Variants in GABRB2 observed in about 807,000 individuals in gnomAD.
The protein encoded by GABRB2 is gamma-aminobutyric acid receptor subunit beta-2.
Under a neutral mutation model 54.7 loss-of-function variants are expected in GABRB2, and 16 were observed. That is an observed-to-expected ratio of 0.29 (90% CI 0.20 to 0.44). GABRB2 has a LOEUF of 0.44. GABRB2 is among the 20% of genes least tolerant of loss of function. GABRB2 has a pLI of 1.00. For synonymous variants in GABRB2, 244 were observed against 233.8 expected (o/e 1.04, Z -0.40); for missense variants, 355 against 644.0 (o/e 0.55, Z 4.86).
chr5:161,457,195 CG>C, intron 4 of GABRB2, among the ~76,000 whole-genome samples: 1 of 152,212 alleles, frequency 6.6e-6, no homozygotes, highest in East Asian at 1.9e-4. Flanking sequence ...GAGCCCTCTC[CG>C]TGGGGAAGTG....
At chr5:161,316,242 G>A (rs1402964688) in intron 9 of GABRB2, among the ~76,000 whole-genome samples, 1 of 152,126 alleles carries the variant, frequency 6.6e-6, no homozygotes, top group Non-Finnish European at 1.5e-5. Flanking sequence ...GAGACCTGAA[G>A]CCTGAGACTC....
rs1554104312 is a variant in GABRB2 at position 161,494,538 on chromosome 5, C to CATGTGTGT, written c.238-34695_238-34694insACACACAT. On this transcript the variant is annotated intron_variant, in intron 3 of 9. Coordinates refer to ENST00000393959, the MANE Select transcript of GABRB2 (RefSeq NM_001371727.1). ...GGGAATATATTTACTGTTAGGTATG[C>CATGTGTGT]GTGTGTGTGTGTGTGTGTGTGTGTG... 3.0e-3 allele frequency among the ~76,000 whole-genome samples: 437 copies of CATGTGTGT among 146,236 alleles called. 3 individuals carry two copies. Among genetic ancestry groups the CATGTGTGT allele is most frequent in the Middle Eastern group, 0.01 (3 of 290 alleles).
chr5:161,414,031 C>T (rs1756593036), intron 4 of GABRB2, among the ~76,000 whole-genome samples: 1 of 152,148 alleles, frequency 6.6e-6, no homozygotes, highest in African/African-American at 2.4e-5. Context: ...AAAGTGTTTT[C>T]CTCACAAACA....
chr5:161,547,526 G>T (rs1761024727), upstream of GABRB2, among the ~76,000 whole-genome samples: 1 of 151,676 alleles, frequency 6.6e-6, no homozygotes, highest in African/African-American at 2.4e-5. Context: ...CTGTTTTCTC[G>T]CCGTGTGACG....
chr5:161,363,988 C>T (rs1175418232), intron 5 of GABRB2, among the ~76,000 whole-genome samples: 1 of 152,110 alleles, frequency 6.6e-6, no homozygotes, highest in Non-Finnish European at 1.5e-5. Flanking sequence ...GATTCATTTT[C>T]CTGTTTCACA....
intron 3 of GABRB2, among the ~76,000 whole-genome samples, chr5:161,544,170 G>T (rs1760900313): frequency 6.6e-6 from 1 of 152,146 alleles, no homozygotes; most frequent in South Asian, 2.1e-4. Context: ...GAAATGTTTT[G>T]CATAAAAGTT....
rs76118794 is a variant in GABRB2, at chr5:161,436,546, G to A, written c.458+23078C>T. ...AGACGCTGTCGAAAAAAAAAAAAAA[G>A]AGAGAGAATGATTGAGGGAGGTGGA... On this transcript the variant is annotated intron_variant, in intron 4 of 9. Transcript: ENST00000393959. 5.3e-3 allele frequency among the ~76,000 whole-genome samples: 760 copies of A among 144,678 alleles called. 12 individuals carry two copies. The highest frequency in any genetic ancestry group is 0.017 in the African/African-American group (678 of 39,344). The allele number at this position is 144,678 out of a possible 152,430, so 94.9% of individuals were successfully genotyped here.
chr5:161,498,697 A>G (rs1759331140), intron 3 of GABRB2, among the ~76,000 whole-genome samples: 1 of 152,032 alleles, frequency 6.6e-6, no homozygotes, highest in Admixed American at 6.6e-5. Context: ...TTGGAACACA[A>G]GGCTCTGTGC....
chr5:161,508,395 G>A (rs569457328), intron 3 of GABRB2, among the ~76,000 whole-genome samples: 3 of 150,560 alleles, frequency 2.0e-5, no homozygotes, highest in Admixed American at 6.7e-5. Context: ...GAATAGCAAT[G>A]TTGTCCCAAT....
chr5:161,536,568 T>G (rs1012099790), intron 3 of GABRB2, among the ~76,000 whole-genome samples: 1 of 152,150 alleles, frequency 6.6e-6, no homozygotes, highest in African/African-American at 2.4e-5. Context: ...CTACCCACTT[T>G]GTATCTTCAA....
At chr5:161,366,774 C>T (rs1204431645) in intron 5 of GABRB2, among the ~76,000 whole-genome samples, 3 of 152,088 alleles carry the variant, frequency 2.0e-5, no homozygotes, top group Non-Finnish European at 2.9e-5. Context: ...GGCAAAACCC[C>T]GTCTCTACTA....
chr5:161,352,681 T>C (rs1754511100), intron 5 of GABRB2, among the ~76,000 whole-genome samples: 1 of 152,042 alleles, frequency 6.6e-6, no homozygotes. Flanking sequence ...GCTTGAAAAT[T>C]GCTGAGAATG....
At position 161,487,353 on chromosome 5, in the gene GABRB2, A is replaced by C. The variant is rs182212565; in HGVS notation, c.238-27509T>G. ...TACAAATTGGACTGGAGCAGGTAAT[A>C]AGAGAGATTTGAGGGACAGTCATTG... On this transcript the variant is annotated intron_variant, in intron 3 of 9. Transcript: ENST00000393959. 1.4e-3 allele frequency among the ~76,000 whole-genome samples: 218 copies of C among 152,026 alleles called. 1 individual carries two copies. The highest frequency in any genetic ancestry group is 5.0e-3 in the African/African-American group (209 of 41,518).
intron 5 of GABRB2, among the ~76,000 whole-genome samples, chr5:161,350,877 C>T (rs1754453779): frequency 6.6e-6 from 1 of 152,096 alleles, no homozygotes. Flanking sequence ...ACCAGTGACT[C>T]TCCAGGGGGT....
chr5:161,445,729 G>A (rs1224762191), intron 4 of GABRB2, among the ~76,000 whole-genome samples: 4 of 152,010 alleles, frequency 2.6e-5, no homozygotes, highest in Admixed American at 6.6e-5. Flanking sequence ...TTGCCAATCC[G>A]AAAATATTTG....
At chr5:161,335,162 A>C (rs1427167007) in intron 6 of GABRB2, among the ~76,000 whole-genome samples, 1 of 152,126 alleles carries the variant, frequency 6.6e-6, no homozygotes, top group Non-Finnish European at 1.5e-5. Flanking sequence ...TGAATCAAAC[A>C]TACCCCTCCT....
chr5:161,432,115 T>C (rs1757186301), intron 4 of GABRB2, among the ~76,000 whole-genome samples: 1 of 152,324 alleles, frequency 6.6e-6, no homozygotes, highest in Non-Finnish European at 1.5e-5. Flanking sequence ...CCTGAATGCC[T>C]TTCAGAAGAA....
At chr5:161,494,246 A>G (rs1307358424) in intron 3 of GABRB2, among the ~76,000 whole-genome samples, 1 of 151,856 alleles carries the variant, frequency 6.6e-6, no homozygotes. Flanking sequence ...AGAGCTTGTA[A>G]TCTATTTAGA....
At chr5:161,386,370 T>C (rs1357459280) in intron 5 of GABRB2, among the ~76,000 whole-genome samples, 2 of 152,080 alleles carry the variant, frequency 1.3e-5, no homozygotes, top group Non-Finnish European at 2.9e-5. Flanking sequence ...TGCCCTGATA[T>C]GCTATAAATG....
Sources: gnomAD v4.1 joint callset for allele counts (sites outside exome capture counted in the v4.1 genomes callset) on GRCh38, gnomAD v4.1.1 for gene constraint, MANE v1.5 for transcripts, NCBI Gene and HGNC (gene_info 2026-07-23, HGNC 2026-07-21) for gene names.